Variants in CACNA2D3 observed in about 807,000 individuals in gnomAD.
CACNA2D3 encodes voltage-dependent calcium channel subunit alpha-2/delta-3.
CACNA2D3 carries 60 observed loss-of-function variants against 160.6 expected under a neutral mutation model. The observed-to-expected ratio is 0.37, with a 90% CI of 0.30 to 0.46. CACNA2D3 has a LOEUF of 0.46. Ranked by LOEUF, CACNA2D3 falls within the 20% of genes least tolerant of loss-of-function variation. CACNA2D3 has a pLI of 1.00. For synonymous variants in CACNA2D3, 558 were observed against 492.9 expected, an observed-to-expected ratio of 1.13 and a Z score of -1.75; for missense variants, 1,205 against 1,365.0, an observed-to-expected ratio of 0.88 and a Z score of 1.85.
At chr3:54,718,876 A>AT (rs1701114242) in intron 11 of CACNA2D3, among the ~76,000 whole-genome samples, 1 of 151,952 alleles carries the variant, frequency 6.6e-6, no homozygotes, top group South Asian at 2.1e-4. Context: ...AGTCTTACAC[A>AT]TTTTTCCTAA....
chr3:54,969,978 A>AG, intron 29 of CACNA2D3, 134 bp downstream of exon 29: 2 of 605,200 alleles, frequency 3.3e-6, no homozygotes, highest in East Asian at 3.2e-5. Flanking sequence ...AAAAAAAAAA[A>AG]TCATTTGCTT....
At position 54,203,479 on chromosome 3, in the gene CACNA2D3, G is replaced by A. The variant is rs1164511835; in HGVS notation, c.204+79885G>A. ...TTAGCTCAGTTAGACCCTCTACCTTGTTGCAAGGACAAAGGGCTTTCTGTA... is the reference window on the plus strand; with the variant it reads ...TTAGCTCAGTTAGACCCTCTACCTTATTGCAAGGACAAAGGGCTTTCTGTA... On this transcript the variant is annotated intron_variant, in intron 2 of 37. Transcript: ENST00000474759. 6.6e-5 allele frequency among the ~76,000 whole-genome samples: 10 copies of A among 152,310 alleles called. No homozygotes were observed. The East Asian group carries it at 1.4e-3, about 21-fold the overall frequency.
chr3:54,350,992 T>TTTTTTTTTTTTTG (rs1698552183), intron 3 of CACNA2D3, among the ~76,000 whole-genome samples: 2 of 110,978 alleles, frequency 1.8e-5, no homozygotes, highest in African/African-American at 3.2e-5. Context: ...GTTTGTTTTT[T>TTTTTTTTTTTTTG]TTTTTTTTTT....
chr3:54,741,018 A>C (rs980299268), intron 11 of CACNA2D3, among the ~76,000 whole-genome samples: 6 of 152,080 alleles, frequency 3.9e-5, no homozygotes, highest in Admixed American at 3.9e-4. Flanking sequence ...TCCCAATGAG[A>C]AAATCACAAG....
chr3:54,548,434 A>G lies in CACNA2D3; in HGVS notation c.545-14366A>G, dbSNP rs184817040. Among the ~76,000 whole-genome samples the G allele has an allele frequency of 2.6e-5, 4 of 152,298 alleles. No homozygotes were observed. In the East Asian group the frequency reaches 7.7e-4, roughly 29 times the overall value. On this transcript the variant is annotated intron_variant, in intron 5 of 37. Transcript: ENST00000474759. ...AGGAGCCTTTTTCCACCCATGGTTC[A>G]AGCAAGAGATCAAGATTTCTTTATT...
rs533342637 is a variant in CACNA2D3 at position 54,286,060 on chromosome 3, C to T, written c.205-34382C>T. 2.5e-3 allele frequency among the ~76,000 whole-genome samples: 381 copies of T among 152,252 alleles called. 3 individuals are homozygous for T. The highest frequency in any genetic ancestry group is 8.3e-3 in the African/African-American group (345 of 41,522). ...AAGGAATGCAGCTCCTCACCAGCAA[C>T]GGAACAAAGCTGGATGGAGAATGAC... On this transcript the variant is annotated intron_variant, in intron 2 of 37. Transcript: ENST00000474759.
chr3:54,887,338 A>G (rs562150740), intron 23 of CACNA2D3, among the ~76,000 whole-genome samples: 1 of 152,210 alleles, frequency 6.6e-6, no homozygotes, highest in East Asian at 1.9e-4. Flanking sequence ...GAGGTAGGAG[A>G]CTGGCTTGAG....
intron 31 of CACNA2D3, among the ~76,000 whole-genome samples, chr3:55,000,168 A>G (rs1053965198): frequency 3.9e-5 from 6 of 152,212 alleles, no homozygotes; most frequent in African/African-American, 1.4e-4. Context: ...TTAGAGTCAA[A>G]TGAAAGCAGG....
chr3:54,948,149 A>T (rs1462678633), intron 27 of CACNA2D3, among the ~76,000 whole-genome samples: 1 of 152,050 alleles, frequency 6.6e-6, no homozygotes, highest in Non-Finnish European at 1.5e-5. Context: ...TTCTATTTCT[A>T]CTTCTCCTCT....
chr3:54,497,450 T>C (rs553627360), intron 4 of CACNA2D3, among the ~76,000 whole-genome samples: 11 of 152,204 alleles, frequency 7.2e-5, no homozygotes, highest in Non-Finnish European at 1.6e-4. Flanking sequence ...ATAAAATGGA[T>C]TTTGTGTATT....
At position 54,627,510 on chromosome 3, in the gene CACNA2D3, G is replaced by A. The variant is rs182216415; in HGVS notation, c.964-277G>A. 1.2e-3 allele frequency among the ~76,000 whole-genome samples: 177 copies of A among 152,248 alleles called. 1 individual carries two copies. Among genetic ancestry groups the A allele is most frequent in the Non-Finnish European group, 2.0e-3 (138 of 68,020 alleles). On this transcript the variant is annotated intron_variant, in intron 9 of 37. Coordinates refer to ENST00000474759, the MANE Select transcript of CACNA2D3 (RefSeq NM_018398.3). The stretch of plus-strand genomic sequence containing the variant: ...GGAAAAGAGTCACCAATGATGAAAC[G>A]GGAGAGGAAAGTGGCAATTTTAGAT...
chr3:54,706,407 G>T (rs1365588590), intron 11 of CACNA2D3, among the ~76,000 whole-genome samples: 1 of 152,170 alleles, frequency 6.6e-6, no homozygotes. Context: ...CTTGCCTAGG[G>T]TTATGCCTCA....
chr3:54,683,414 T>G (rs1700389088), intron 11 of CACNA2D3, among the ~76,000 whole-genome samples: 1 of 152,256 alleles, frequency 6.6e-6, no homozygotes. Context: ...AAGTAGTGAT[T>G]ACAAGCATGG....
At chr3:54,908,072 C>G (rs1439608510) in intron 27 of CACNA2D3, among the ~76,000 whole-genome samples, 2 of 152,262 alleles carry the variant, frequency 1.3e-5, no homozygotes, top group East Asian at 1.9e-4. Flanking sequence ...GGGTACATAC[C>G]TAAAAGTAGA....
chr3:54,815,009 A>G lies in CACNA2D3; in HGVS notation c.1381-1844A>G, dbSNP rs376123386. On this transcript the variant is annotated intron_variant, in intron 13 of 37. Transcript: ENST00000474759. ...GAAAATATACATTTTTCATTCCACA[A>G]TGTTCATGTATCCAAGGTTTGTTTC... is the stretch of plus-strand genomic sequence containing the variant. Among the ~76,000 whole-genome samples the G allele has an allele frequency of 1.5e-4, 23 of 152,292 alleles. No homozygotes were observed. The East Asian group carries it at 1.7e-3, about 11-fold the overall frequency.
chr3:54,257,395 G>C (rs1416760610), intron 2 of CACNA2D3, among the ~76,000 whole-genome samples: 1 of 152,186 alleles, frequency 6.6e-6, no homozygotes, highest in Non-Finnish European at 1.5e-5. Flanking sequence ...TTCTTCTTTT[G>C]AGAGAGTAAT....
chr3:54,642,894 A>G (rs1283903966), intron 11 of CACNA2D3, among the ~76,000 whole-genome samples: 1 of 152,116 alleles, frequency 6.6e-6, no homozygotes, highest in Non-Finnish European at 1.5e-5. Context: ...GATCTTTAAA[A>G]TTATGTGTAT....
chr3:54,488,839 C>G (rs1054978249), intron 4 of CACNA2D3, among the ~76,000 whole-genome samples: 1 of 152,072 alleles, frequency 6.6e-6, no homozygotes, highest in African/African-American at 2.4e-5. Flanking sequence ...TGCGATGACC[C>G]CTGGGATAAG....
chr3:54,819,714 G>C (rs568811802), intron 14 of CACNA2D3, among the ~76,000 whole-genome samples: 1 of 152,008 alleles, frequency 6.6e-6, no homozygotes, highest in Non-Finnish European at 1.5e-5. Flanking sequence ...GCGTGGTGGC[G>C]CACACCTATA....
Sources: gnomAD v4.1 joint callset for allele counts (sites outside exome capture counted in the v4.1 genomes callset) on GRCh38, gnomAD v4.1.1 for gene constraint, MANE v1.5 for transcripts, NCBI Gene and HGNC (gene_info 2026-07-23, HGNC 2026-07-21) for gene names.